EPB41L4A: variants seen among roughly 807,000 people sequenced by gnomAD.
EPB41L4A encodes the protein band 4.1-like protein 4A.
In EPB41L4A, 100 loss-of-function variants were observed where a neutral mutation model predicts 108.6. That is an observed-to-expected ratio of 0.92 (90% CI 0.78 to 1.09). The LOEUF (loss-of-function observed/expected upper bound fraction) is 1.09, where lower values mean the gene tolerates loss of function less well. EPB41L4A is among the 50% of genes least tolerant of loss of function. The pLI, the probability that EPB41L4A is intolerant of heterozygous loss-of-function variation, is 0.00. For synonymous variants in EPB41L4A, 319 were observed against 289.0 expected (o/e 1.10, Z -1.05); for missense variants, 1,030 against 842.7 (o/e 1.22, Z -2.75).
intron 2 of EPB41L4A, among the ~76,000 whole-genome samples, chr5:112,289,564 G>C (rs904894992): frequency 3.9e-5 from 6 of 152,210 alleles, no homozygotes; most frequent in African/African-American, 1.4e-4. Context: ...GTCATGCACA[G>C]TGACCATGCT....
chr5:112,245,549 T>C (rs1278206904), intron 9 of EPB41L4A, among the ~76,000 whole-genome samples: 1 of 152,116 alleles, frequency 6.6e-6, no homozygotes, highest in East Asian at 1.9e-4. Flanking sequence ...CCTTGTCTGG[T>C]AAAAAAAGAA....
chr5:112,311,456 G>GA (rs1226861758), intron 1 of EPB41L4A, among the ~76,000 whole-genome samples: 1 of 152,084 alleles, frequency 6.6e-6, no homozygotes, highest in East Asian at 1.9e-4. Flanking sequence ...TATCTCACAG[G>GA]CTCTATAGAT....
intron 22 of EPB41L4A, 106 bp downstream of exon 22, chr5:112,168,633 G>T: frequency 1.3e-6 from 1 of 770,466 alleles, no homozygotes; most frequent in South Asian, 1.7e-5. Flanking sequence ...ATGACATTAA[G>T]GTTTCATTGC....
chr5:112,349,713 AAGG>A (rs1180853133), intron 1 of EPB41L4A, among the ~76,000 whole-genome samples: 3 of 152,204 alleles, frequency 2.0e-5, no homozygotes, highest in Non-Finnish European at 2.9e-5. Flanking sequence ...AAAGACACTG[AAGG>A]AGATGTCCAG....
At chr5:112,302,899 C>T (rs1317243024) in intron 2 of EPB41L4A, among the ~76,000 whole-genome samples, 15 of 152,146 alleles carry the variant, frequency 9.9e-5, no homozygotes, top group Admixed American at 9.8e-4. Flanking sequence ...TCTTGAAAAG[C>T]CACCTGCCAT....
chr5:112,257,905 C>T (rs1248397446), intron 9 of EPB41L4A, among the ~76,000 whole-genome samples: 1 of 152,194 alleles, frequency 6.6e-6, no homozygotes, highest in Admixed American at 6.5e-5. Flanking sequence ...ATTAGCTACT[C>T]TACTTTTTGC....
Position 112,165,040 on chromosome 5 carries a change from CTG to C in EPB41L4A, c.2009_2010del (p.Thr670SerfsTer25), listed in dbSNP as rs1191462094. The C allele has an allele frequency of 7.4e-6, 12 of 1,613,752 alleles. No homozygotes were observed. Among genetic ancestry groups the C allele is most frequent in the East Asian group, 2.2e-5 (1 of 44,864 alleles). Reference protein sequence around the residue: ...TSTNNLAGKHTAKTIKTIQAS... With the variant: ...TSTNNLAGKHXAKTIKTIQAS... ...GCTTGTATAGTTTTTATTGTTTTTGCTGTGTGTTTTCCAGCCAGGTTGTTTGT... is the reference window on the plus strand; with the variant it reads ...GCTTGTATAGTTTTTATTGTTTTTGCTGTGTTTTCCAGCCAGGTTGTTTGT... On this transcript the variant is annotated frameshift_variant, in exon 23 of 23. Coordinates refer to ENST00000261486, the MANE Select transcript of EPB41L4A (RefSeq NM_022140.5). LOFTEE classifies it high-confidence loss of function.
At chr5:112,293,024 G>C (rs1753747188) in intron 2 of EPB41L4A, among the ~76,000 whole-genome samples, 1 of 151,920 alleles carries the variant, frequency 6.6e-6, no homozygotes, top group South Asian at 2.1e-4. Flanking sequence ...AATTTCTCAG[G>C]TACTGCATTT....
At chr5:112,384,160 G>C (rs1760347463) in intron 1 of EPB41L4A, among the ~76,000 whole-genome samples, 1 of 152,136 alleles carries the variant, frequency 6.6e-6, no homozygotes, top group Non-Finnish European at 1.5e-5. Context: ...GATAAAACAA[G>C]TTATAAATTG....
At chr5:112,291,217 G>A (rs1391526949) in intron 2 of EPB41L4A, among the ~76,000 whole-genome samples, 1 of 152,108 alleles carries the variant, frequency 6.6e-6, no homozygotes, top group African/African-American at 2.4e-5. Flanking sequence ...TGTTATGGGG[G>A]CCCTGCCCAC....
intron 12 of EPB41L4A, among the ~76,000 whole-genome samples, chr5:112,211,684 G>A (rs958714121): frequency 6.6e-6 from 1 of 152,064 alleles, no homozygotes; most frequent in African/African-American, 2.4e-5. Flanking sequence ...AGAAACACCT[G>A]AGCACCCTCA....
intron 1 of EPB41L4A, among the ~76,000 whole-genome samples, chr5:112,312,347 G>C (rs1755106119): frequency 6.6e-6 from 1 of 152,178 alleles, no homozygotes; most frequent in Non-Finnish European, 1.5e-5. Context: ...ATCTGGTGCT[G>C]CAAATGCTTT....
chr5:112,322,609 G>A (rs546644857), intron 1 of EPB41L4A, among the ~76,000 whole-genome samples: 33 of 152,058 alleles, frequency 2.2e-4, no homozygotes, highest in Middle Eastern at 6.8e-3. Flanking sequence ...TCACTGTGCC[G>A]GTGAGCCAAA....
At chr5:112,190,570 T>G (rs1267281074) in intron 17 of EPB41L4A, among the ~76,000 whole-genome samples, 1 of 152,156 alleles carries the variant, frequency 6.6e-6, no homozygotes, top group Non-Finnish European at 1.5e-5. Context: ...GGACAGGAGA[T>G]GCCGTAGCAG....
Position 112,292,383 on chromosome 5 carries a change from T to C in EPB41L4A, c.205-12060A>G, listed in dbSNP as rs549712629. ...CGGCCTCCAATACTGATGGGTATCA[T>C]GAAAGAATAAACTAAGCTCCTACAG... On this transcript the variant is annotated intron_variant, in intron 2 of 22. Coordinates refer to ENST00000261486, the MANE Select transcript of EPB41L4A (RefSeq NM_022140.5). 3.9e-5 allele frequency among the ~76,000 whole-genome samples: 6 copies of C among 152,286 alleles called. No homozygotes were observed. The East Asian group carries it at 5.8e-4, about 15-fold the overall frequency.
chr5:112,178,115 G>C (rs1024155471), intron 18 of EPB41L4A, among the ~76,000 whole-genome samples: 1 of 151,262 alleles, frequency 6.6e-6, no homozygotes, highest in Non-Finnish European at 1.5e-5. Flanking sequence ...GACATAACTA[G>C]GCTTAAAGTA....
chr5:112,171,855 G>A, intron 18 of EPB41L4A, among the ~76,000 whole-genome samples: 1 of 152,146 alleles, frequency 6.6e-6, no homozygotes, highest in East Asian at 1.9e-4. Flanking sequence ...CCAAAAGAAA[G>A]AACAAATAAT....
chr5:112,164,831 C>CAAAA lies in EPB41L4A; in HGVS notation c.*155_*158dup. On this transcript the variant is annotated 3_prime_UTR_variant, in exon 23 of 23. Transcript: ENST00000261486. ...CCTGGGCGACAGAGTGATAACATCT[C>CAAAA]AAAAAAAAAAAAAAAAAGAAGCAAA... 21 of 488,908 alleles carry CAAAA rather than the reference C, an allele frequency of 4.3e-5. No homozygotes were observed. Among genetic ancestry groups the CAAAA allele is most frequent in the East Asian group, 1.5e-4 (3 of 20,112 alleles). 30.3% of individuals were successfully genotyped at this position (488,908 alleles called of 1,614,324 possible).
chr5:112,409,003 AC>A (rs376661239), intron 1 of EPB41L4A, among the ~76,000 whole-genome samples: 7 of 152,248 alleles, frequency 4.6e-5, no homozygotes, highest in South Asian at 2.1e-4. Flanking sequence ...TTAAATGAGA[AC>A]ATACATCTAT....
Sources: allele counts gnomAD v4.1 joint callset (sites outside exome capture counted in the v4.1 genomes callset), GRCh38; gene constraint gnomAD v4.1.1; transcripts MANE v1.5; gene names NCBI Gene and HGNC (gene_info 2026-07-23, HGNC 2026-07-21).